SLIT1: variants seen among roughly 807,000 people sequenced by gnomAD.
SLIT1 encodes the protein slit homolog 1 protein.
Under a neutral mutation model 186.1 loss-of-function variants are expected in SLIT1, and 66 were observed. The observed-to-expected ratio is 0.35, with a 90% CI of 0.29 to 0.44. SLIT1 has a LOEUF of 0.44. Among genes scored for constraint, SLIT1 ranks in the 20% least tolerant of loss-of-function variants. The probability of loss-of-function intolerance (pLI) is 1.00; values close to 1 mark genes in which losing one functional copy is unlikely to be tolerated. For missense variants in SLIT1, 1,638 were observed against 2,037.4 expected, an observed-to-expected ratio of 0.80 and a Z score of 3.77; for synonymous variants, 761 against 833.8, an observed-to-expected ratio of 0.91 and a Z score of 1.50.
chr10:97,041,735 T>C (rs1249503916), intron 20 of SLIT1, among the ~76,000 whole-genome samples: 2 of 152,160 alleles, frequency 1.3e-5, no homozygotes, highest in Non-Finnish European at 2.9e-5. Flanking sequence ...CCTCCCAAAG[T>C]GCTGGGATTA....
At chr10:97,096,378 A>T (rs1849289589) in intron 4 of SLIT1, among the ~76,000 whole-genome samples, 1 of 151,624 alleles carries the variant, frequency 6.6e-6, no homozygotes, top group Admixed American at 6.6e-5. Context: ...CACGCCCTCG[A>T]GCCCCCCCGC....
chr10:97,162,967 C>T (rs1357656285), intron 3 of SLIT1, among the ~76,000 whole-genome samples: 5 of 152,254 alleles, frequency 3.3e-5, no homozygotes, highest in African/African-American at 4.8e-5. Flanking sequence ...TGGCCCTGTG[C>T]ACCTAAGACA....
At chr10:97,115,024 A>G (rs904266479) in intron 4 of SLIT1, among the ~76,000 whole-genome samples, 5 of 152,202 alleles carry the variant, frequency 3.3e-5, no homozygotes, top group African/African-American at 7.2e-5. Context: ...CTTGTTCACC[A>G]TCAGTGCCTG....
At chr10:97,168,993 CCT>C (rs1191445405) in intron 1 of SLIT1, among the ~76,000 whole-genome samples, 1 of 152,136 alleles carries the variant, frequency 6.6e-6, no homozygotes, top group African/African-American at 2.4e-5. Flanking sequence ...CATTAGCACA[CCT>C]CTCTTCTCAC....
intron 1 of SLIT1, among the ~76,000 whole-genome samples, chr10:97,179,806 C>A (rs1459728269): frequency 2.7e-5 from 4 of 148,426 alleles, no homozygotes; most frequent in Non-Finnish European, 3.0e-5. Flanking sequence ...ACCCTCCCCG[C>A]CCCCCGGCAC....
At chr10:97,019,546 C>T (rs1436092347) in intron 26 of SLIT1, among the ~76,000 whole-genome samples, 2 of 152,208 alleles carry the variant, frequency 1.3e-5, no homozygotes, top group Non-Finnish European at 1.5e-5. Context: ...GTCACCTCGG[C>T]AGAGAGGAGA....
chr10:97,108,724 C>A (rs191773188), intron 4 of SLIT1, among the ~76,000 whole-genome samples: 2 of 152,120 alleles, frequency 1.3e-5, no homozygotes, highest in Admixed American at 6.5e-5. Flanking sequence ...CCTGTCTTTA[C>A]TAAAAATACA....
intron 35 of SLIT1, 150 bp from the exon 36 acceptor site, chr10:97,002,519 T>C (rs930115223): frequency 1.4e-6 from 1 of 739,332 alleles, no homozygotes; most frequent in East Asian, 2.8e-5. Flanking sequence ...GGGAGTTGCA[T>C]GCGACTATGT....
chr10:97,090,913 G>A (rs1367842294), intron 4 of SLIT1, among the ~76,000 whole-genome samples: 1 of 152,246 alleles, frequency 6.6e-6, no homozygotes, highest in Non-Finnish European at 1.5e-5. Context: ...GCAAGCCCCT[G>A]GGGCAGCCCC....
At chr10:97,137,673 C>A (rs1228571251) in intron 4 of SLIT1, among the ~76,000 whole-genome samples, 2 of 152,148 alleles carry the variant, frequency 1.3e-5, no homozygotes, top group African/African-American at 2.4e-5. Flanking sequence ...CAGCCTCAAC[C>A]TGCCCAGGCT....
At chr10:97,151,347 C>T (rs1483188240) in intron 4 of SLIT1, among the ~76,000 whole-genome samples, 1 of 89,606 alleles carries the variant, frequency 1.1e-5, no homozygotes, top group Non-Finnish European at 2.1e-5. Flanking sequence ...TTGGTAGATG[C>T]GTACGTGGGA....
intron 1 of SLIT1, among the ~76,000 whole-genome samples, chr10:97,165,879 T>G (rs1024559669): frequency 2.6e-5 from 4 of 152,074 alleles, no homozygotes; most frequent in African/African-American, 7.2e-5. Context: ...CCTGAGGAGC[T>G]GTCTGCCCCA....
intron 25 of SLIT1, among the ~76,000 whole-genome samples, chr10:97,029,667 AAGTGTACAATTC>A (rs1417304987): frequency 6.6e-6 from 1 of 152,220 alleles, no homozygotes; most frequent in Non-Finnish European, 1.5e-5. Context: ...TCAACATTTT[AAGTGTACAATTC>A]AGTCACATTG....
Position 97,010,957 on chromosome 10 carries a change from A to G in SLIT1, c.3341+36T>C. 6.3e-7 allele frequency: 1 copy of G among 1,598,852 alleles called. No homozygotes were observed. Among genetic ancestry groups the G allele is most frequent in the Non-Finnish European group, 8.5e-7 (1 of 1,170,154 alleles). On this transcript the variant is annotated intron_variant, in intron 31 of 36. Coordinates refer to ENST00000266058, the MANE Select transcript of SLIT1 (RefSeq NM_003061.3). This position sits in a 1 kb window ranked among gnomAD's most constrained non-coding sequence, Gnocchi z 4.8. The stretch of plus-strand genomic sequence containing the variant: ...TGCCAGCCCAGGGGCTGACAGCCAC[A>G]AGGAGTCACTCCTAGTGTGTCCAGG...
At position 97,000,360 on chromosome 10, in the gene SLIT1, G is replaced by A. The variant is rs992464308; in HGVS notation, c.*752C>T. ...CAAAGAACCCTCTGCCCTCTTTAGTGGGGTCTGCCACCCTGAGCAGCCCCT... is the reference window on the plus strand; with the variant it reads ...CAAAGAACCCTCTGCCCTCTTTAGTAGGGTCTGCCACCCTGAGCAGCCCCT... On this transcript the variant is annotated 3_prime_UTR_variant, in exon 37 of 37. Transcript: ENST00000266058. 1 of 152,356 alleles carries A rather than the reference G, an allele frequency of 6.6e-6. No homozygotes were observed. The highest frequency in any genetic ancestry group is 6.5e-5 in the Admixed American group (1 of 15,292). The allele number at this position is 152,356 out of a possible 1,614,324, so 9.4% of individuals were successfully genotyped here.
At chr10:97,111,492 C>T (rs998944762) in intron 4 of SLIT1, among the ~76,000 whole-genome samples, 3 of 152,180 alleles carry the variant, frequency 2.0e-5, no homozygotes, top group African/African-American at 4.8e-5. Context: ...GGTCATCAAG[C>T]TGCTCCCGCC....
chr10:97,015,214 T>C (rs950384134), intron 28 of SLIT1, among the ~76,000 whole-genome samples: 8 of 152,298 alleles, frequency 5.3e-5, no homozygotes, highest in Non-Finnish European at 7.4e-5. Flanking sequence ...TGGGGGGTGA[T>C]GGGACAAGCC....
At chr10:97,157,053 C>T (rs1279610127) in intron 4 of SLIT1, among the ~76,000 whole-genome samples, 1 of 152,010 alleles carries the variant, frequency 6.6e-6, no homozygotes, top group Non-Finnish European at 1.5e-5. Context: ...GATTTAGGGC[C>T]CAAAGTTAAA....
Position 97,127,221 on chromosome 10 carries a change from G to A in SLIT1, c.413+30597C>T, listed in dbSNP as rs191785100. ...GAATGGCGTGAACCTGGGAGGCAGA[G>A]TTTGCAGTGAGCCGAGATCACGCCA... On this transcript the variant is annotated intron_variant, in intron 4 of 36. Coordinates refer to ENST00000266058, the MANE Select transcript of SLIT1 (RefSeq NM_003061.3). 4.6e-3 allele frequency among the ~76,000 whole-genome samples: 699 copies of A among 151,924 alleles called. 4 individuals carry two copies. Among genetic ancestry groups the A allele is most frequent in the African/African-American group, 0.016 (660 of 41,416 alleles).
Sources: allele counts gnomAD v4.1 joint callset (sites outside exome capture counted in the v4.1 genomes callset), GRCh38; gene constraint gnomAD v4.1.1; non-coding constraint Gnocchi (gnomAD v3.1); transcripts MANE v1.5; gene names NCBI Gene and HGNC (gene_info 2026-07-23, HGNC 2026-07-21).